The following JDP2 variants were observed in gnomAD, a reference collection of about 807,000 sequenced individuals.
JDP2 encodes Jun dimerization protein 2.
JDP2 carries 9 observed loss-of-function variants against 17.1 expected under a neutral mutation model. The ratio of observed to expected loss-of-function variants is 0.53; its 90% CI spans 0.32 to 0.92. JDP2 has a LOEUF of 0.92. Among genes scored for constraint, JDP2 ranks in the 40% least tolerant of loss-of-function variants. JDP2 has a pLI of 0.04. For synonymous variants in JDP2, 107 were observed against 95.6 expected (o/e 1.12, Z -0.69); for missense variants, 179 against 220.0 (o/e 0.81, Z 1.18).
rs1247249469 is a variant in JDP2, at chr14:75,472,724, C to G, written c.*3249C>G. ...TAATTATTTTGTCCTCTGTTAGTGT[C>G]GGTAGTTATTGATATCTACATAGTA... is the stretch of plus-strand genomic sequence containing the variant. On this transcript the variant is annotated 3_prime_UTR_variant, in exon 4 of 4. Coordinates refer to ENST00000651602, the MANE Select transcript of JDP2 (RefSeq NM_001135048.2). 2.0e-5 allele frequency: 3 copies of G among 152,176 alleles called. No homozygotes were observed. In the East Asian group the frequency reaches 5.8e-4, roughly 29 times the overall value. 9.4% of individuals were successfully genotyped at this position (152,176 alleles called of 1,614,324 possible).
At chr14:75,443,658 T>C (rs1477674670) in intron 2 of JDP2, among the ~76,000 whole-genome samples, 59 of 152,224 alleles carry the variant, frequency 3.9e-4, no homozygotes, top group Admixed American at 3.9e-3. Context: ...TGAGTCTTAT[T>C]TGATACCATA....
chr14:75,448,387 C>T (rs2139970672), intron 2 of JDP2, among the ~76,000 whole-genome samples: 1 of 152,316 alleles, frequency 6.6e-6, no homozygotes, highest in East Asian at 1.9e-4. Flanking sequence ...ATAAGCCCCC[C>T]AGGGGATTCT....
intron 2 of JDP2, among the ~76,000 whole-genome samples, chr14:75,453,813 T>C (rs185767902): frequency 0.011 from 1,676 of 152,360 alleles, 12 homozygotes; most frequent in South Asian, 0.029. Context: ...CCTGGTTCTG[T>C]CTGCCCAGGC....
At chr14:75,435,339 T>A (rs963948742) in intron 1 of JDP2, among the ~76,000 whole-genome samples, 1 of 152,216 alleles carries the variant, frequency 6.6e-6, no homozygotes, top group Non-Finnish European at 1.5e-5. Context: ...TCTCAGGGGC[T>A]ATTTCTGTGT....
At chr14:75,458,280 T>C (rs923483362) in intron 2 of JDP2, among the ~76,000 whole-genome samples, 1 of 152,214 alleles carries the variant, frequency 6.6e-6, no homozygotes, top group Non-Finnish European at 1.5e-5. Context: ...GTTCTAAGCC[T>C]AGTAGCCAAT....
chr14:75,468,266 C>A (rs1047334437), intron 3 of JDP2, among the ~76,000 whole-genome samples: 3 of 152,182 alleles, frequency 2.0e-5, no homozygotes, highest in Non-Finnish European at 4.4e-5. Context: ...CTGGCATCTA[C>A]CTGCTAGATG....
rs138801030 is a variant in JDP2 at position 75,453,822 on chromosome 14, G to A, written c.202-7604G>A. Among the ~76,000 whole-genome samples, 600 of 151,228 alleles carry A rather than the reference G, an allele frequency of 4.0e-3. 4 individuals are homozygous for A. Among genetic ancestry groups the A allele is most frequent in the African/African-American group, 0.014 (563 of 41,486 alleles). ...GATTAGCCTGGTTCTGTCTGCCCAG[G>A]CAACAATTCTTAGTATGAGACAGAA... On this transcript the variant is annotated intron_variant, in intron 2 of 3. Transcript: ENST00000651602.
chr14:75,453,930 T>G (rs1488120024), intron 2 of JDP2, among the ~76,000 whole-genome samples: 1 of 152,240 alleles, frequency 6.6e-6, no homozygotes, highest in Non-Finnish European at 1.5e-5. Flanking sequence ...CTTCCTTTAT[T>G]TCTTTGTCCA....
At chr14:75,459,192 G>A (rs904996119) in intron 2 of JDP2, among the ~76,000 whole-genome samples, 16 of 152,326 alleles carry the variant, frequency 1.1e-4, no homozygotes, top group Admixed American at 2.0e-4. Context: ...CCTCCTGGCC[G>A]AAGGGAGATT....
chr14:75,445,322 C>T (rs1033601051), intron 2 of JDP2: 3 of 985,362 alleles, frequency 3.0e-6, no homozygotes, highest in Non-Finnish European at 3.6e-6. Flanking sequence ...CTGGGTTTAG[C>T]CACCCTTCCA....
At chr14:75,427,505 G>A (rs1253991440), upstream of JDP2, 4 of 152,500 alleles carry the variant, frequency 2.6e-5, no homozygotes, top group Non-Finnish European at 2.9e-5. This position sits in a 1 kb window ranked among gnomAD's most constrained non-coding sequence, Gnocchi z 4.4. Flanking sequence ...ATGAAACTGT[G>A]CGGAAATTCT....
chr14:75,458,200 G>A (rs562658844), intron 2 of JDP2, among the ~76,000 whole-genome samples: 15 of 151,914 alleles, frequency 9.9e-5, no homozygotes, highest in African/African-American at 3.6e-4. Context: ...TCAGGGGTAT[G>A]TGTGCAGATT....
intron 2 of JDP2, chr14:75,445,449 T>A: frequency 1.0e-6 from 1 of 985,350 alleles, no homozygotes; most frequent in African/African-American, 1.7e-5. Context: ...TCCTCCGTGG[T>A]TTGCCTCTGT....
At chr14:75,466,085 T>C (rs1886559161) in intron 3 of JDP2, among the ~76,000 whole-genome samples, 1 of 152,104 alleles carries the variant, frequency 6.6e-6, no homozygotes, top group African/African-American at 2.4e-5. Context: ...ACACAATAAA[T>C]AAATATGTAG....
At position 75,461,540 on chromosome 14, in the gene JDP2, C is replaced by G. The variant is rs1473657702; in HGVS notation, c.306+10C>G. On this transcript the variant is annotated intron_variant, in intron 3 of 3. Transcript: ENST00000651602. ...GGAGTTTCTGCAGCGGGTGAGCTGA[C>G]CGGGTGGGTGGGGAGGCCTGCCATT... The G allele has an allele frequency of 1.9e-6, 3 of 1,588,530 alleles. No homozygotes were observed. The highest frequency in any genetic ancestry group is 2.6e-6 in the Non-Finnish European group (3 of 1,168,626).
At chr14:75,450,385 A>T (rs1885792607) in intron 2 of JDP2, among the ~76,000 whole-genome samples, 2 of 152,204 alleles carry the variant, frequency 1.3e-5, no homozygotes, top group African/African-American at 4.8e-5. Flanking sequence ...GGGTCTTCTC[A>T]GTTGCAGAAT....
At chr14:75,451,686 A>C (rs942786961) in intron 2 of JDP2, among the ~76,000 whole-genome samples, 22 of 152,090 alleles carry the variant, frequency 1.4e-4, no homozygotes, top group African/African-American at 5.3e-4. Flanking sequence ...GGTGCAGGGG[A>C]GTGGGTCCAG....
rs74067250 is a variant in JDP2, at chr14:75,457,493, G to T, written c.202-3933G>T. Among the ~76,000 whole-genome samples, 333 of 152,376 alleles carry T rather than the reference G, an allele frequency of 2.2e-3. 3 individuals carry two copies. The highest frequency in any genetic ancestry group is 7.8e-3 in the African/African-American group (323 of 41,588). ...CAGCTGTTTTCTACACCTCTGGGCA[G>T]CTCTTAAATAGCAGTGCGAGGATTT... On this transcript the variant is annotated intron_variant, in intron 2 of 3. Transcript: ENST00000651602.
intron 2 of JDP2, among the ~76,000 whole-genome samples, chr14:75,444,372 A>AG (rs1885496206): frequency 3.3e-5 from 5 of 152,160 alleles, no homozygotes; most frequent in Admixed American, 3.3e-4. Flanking sequence ...GCTTGTATTG[A>AG]CCTGAGGGTA....
Sources: allele counts gnomAD v4.1 joint callset (sites outside exome capture counted in the v4.1 genomes callset), GRCh38; gene constraint gnomAD v4.1.1; non-coding constraint Gnocchi (gnomAD v3.1); transcripts MANE v1.5; gene names NCBI Gene and HGNC (gene_info 2026-07-23, HGNC 2026-07-21).